Variants in PITPNC1 observed in about 807,000 individuals in gnomAD.
PITPNC1 encodes phosphatidylinositol transfer protein cytoplasmic 1.
Under a neutral mutation model 44.7 loss-of-function variants are expected in PITPNC1, and 18 were observed. That is an observed-to-expected ratio of 0.40 (90% confidence interval 0.28 to 0.60). The LOEUF (loss-of-function observed/expected upper bound fraction) is 0.60. Ranked by LOEUF, PITPNC1 falls within the 20% of genes least tolerant of loss-of-function variation. The pLI is 0.39. For synonymous variants in PITPNC1, 141 were observed against 149.6 expected, an observed-to-expected ratio of 0.94 and a Z score of 0.42; for missense variants, 290 against 418.4, an observed-to-expected ratio of 0.69 and a Z score of 2.68.
chr17:67,516,722 G>A lies in PITPNC1; in HGVS notation c.49-16080G>A, dbSNP rs375569191. ...CTGCAATCACCTCCCAGGTTCAAGC[G>A]ATTCTCCCGCCTCAGCCTCCCAAGT... On this transcript the variant is annotated intron_variant, in intron 1 of 8. Coordinates refer to ENST00000581322, the MANE Select transcript of PITPNC1 (RefSeq NM_012417.4). 4.5e-4 allele frequency among the ~76,000 whole-genome samples: 68 copies of A among 152,224 alleles called. 1 individual carries two copies. The highest frequency in any genetic ancestry group is 1.6e-3 in the African/African-American group (66 of 41,538).
At chr17:67,568,164 G>A (rs983764191) in intron 4 of PITPNC1, among the ~76,000 whole-genome samples, 6 of 152,048 alleles carry the variant, frequency 3.9e-5, no homozygotes, top group African/African-American at 1.4e-4. Context: ...ACTATCATTC[G>A]GCCAGAAAAA....
At chr17:67,677,359 T>G (rs2042621130) in intron 8 of PITPNC1, among the ~76,000 whole-genome samples, 2 of 152,176 alleles carry the variant, frequency 1.3e-5, no homozygotes, top group South Asian at 4.1e-4. Flanking sequence ...GGTTTCTCTC[T>G]GTTGCCAGAG....
intron 1 of PITPNC1, among the ~76,000 whole-genome samples, chr17:67,492,693 C>G (rs142092716): frequency 0.014 from 2,190 of 152,290 alleles, 33 homozygotes; most frequent in South Asian, 0.043. Context: ...CCCAGGACAG[C>G]TACTGTCCTG....
intron 5 of PITPNC1, among the ~76,000 whole-genome samples, chr17:67,610,078 C>T (rs1442973569): frequency 2.6e-5 from 4 of 152,188 alleles, no homozygotes; most frequent in Non-Finnish European, 4.4e-5. Flanking sequence ...TTTCCTCTGT[C>T]GTTCCGCTAT....
intron 8 of PITPNC1, chr17:67,686,982 C>A: frequency 1.3e-6 from 1 of 786,160 alleles, no homozygotes; most frequent in Admixed American, 1.9e-5. Context: ...TTGGCTACTG[C>A]TCAGCTACCA....
In PITPNC1 at chr17:67,685,584, C is replaced by G. The variant is rs1231262048; in HGVS notation, c.683-6988C>G. Among the ~76,000 whole-genome samples, 3 of 152,238 alleles carry G rather than the reference C, an allele frequency of 2.0e-5. No individual in the cohort carries two copies. The East Asian group carries it at 5.8e-4, about 29-fold the overall frequency. On this transcript the variant is annotated intron_variant, in intron 8 of 8. Coordinates refer to ENST00000581322, the MANE Select transcript of PITPNC1 (RefSeq NM_012417.4). ...AATCCCCACTAAGCCAATTAGTGGTCAGGGTGGCAGAGGAAGCACTTTGTT... is the reference window on the plus strand; with the variant it reads ...AATCCCCACTAAGCCAATTAGTGGTGAGGGTGGCAGAGGAAGCACTTTGTT...
chr17:67,385,463 A>G (rs1032982315), intron 1 of PITPNC1, among the ~76,000 whole-genome samples: 1 of 151,988 alleles, frequency 6.6e-6, no homozygotes, highest in Non-Finnish European at 1.5e-5. Flanking sequence ...AAATAAGGGA[A>G]TAATGGCTGA....
At chr17:67,496,554 C>T (rs996611161) in intron 1 of PITPNC1, among the ~76,000 whole-genome samples, 2 of 152,100 alleles carry the variant, frequency 1.3e-5, no homozygotes, top group African/African-American at 4.8e-5. Flanking sequence ...GGAATTATCA[C>T]AGTTCCACTC....
chr17:67,575,879 C>CTTTTTT (rs1209977482), intron 4 of PITPNC1, among the ~76,000 whole-genome samples: 1,277 of 15,618 alleles, frequency 0.082, 92 homozygotes, highest in Admixed American at 0.27. Flanking sequence ...TCTTTCTTTC[C>CTTTTTT]TTTTTTTTTT....
intron 5 of PITPNC1, among the ~76,000 whole-genome samples, chr17:67,627,583 T>C (rs1598904587): frequency 1.3e-5 from 2 of 152,358 alleles, no homozygotes; most frequent in Middle Eastern, 3.4e-3. Context: ...ACTTTTTAAG[T>C]AGCAGGAGAC....
intron 6 of PITPNC1, among the ~76,000 whole-genome samples, chr17:67,643,232 G>A (rs934988497): frequency 1.3e-5 from 2 of 152,044 alleles, no homozygotes; most frequent in Non-Finnish European, 2.9e-5. Flanking sequence ...CTAAAAATAC[G>A]AAAATTAGCT....
At chr17:67,425,267 GGAGA>G (rs373810450) in intron 1 of PITPNC1, among the ~76,000 whole-genome samples, 1 of 85,220 alleles carries the variant, frequency 1.2e-5, no homozygotes, top group African/African-American at 3.9e-5. Flanking sequence ...ACACACAGAG[GGAGA>G]GAGAGAGAGA....
chr17:67,512,234 C>G (rs1489642944), intron 1 of PITPNC1, among the ~76,000 whole-genome samples: 4 of 152,212 alleles, frequency 2.6e-5, no homozygotes, highest in African/African-American at 9.6e-5. Flanking sequence ...TGCAGTGGCT[C>G]ACGCCTGTAA....
At chr17:67,575,298 G>A (rs1438083260) in intron 4 of PITPNC1, among the ~76,000 whole-genome samples, 4 of 152,166 alleles carry the variant, frequency 2.6e-5, no homozygotes, top group East Asian at 1.9e-4. Flanking sequence ...TTTGAGATGA[G>A]CAGCTGCTCC....
At chr17:67,535,536 G>A (rs528294976) in intron 2 of PITPNC1, among the ~76,000 whole-genome samples, 41 of 152,246 alleles carry the variant, frequency 2.7e-4, no homozygotes, top group South Asian at 1.5e-3. Context: ...AGCTCTCCCT[G>A]TCATGTCTGT....
intron 2 of PITPNC1, among the ~76,000 whole-genome samples, chr17:67,534,849 C>G (rs960875005): frequency 1.3e-5 from 2 of 152,152 alleles, no homozygotes; most frequent in Non-Finnish European, 2.9e-5. Context: ...AGTTTATTCA[C>G]TGACACCAGT....
chr17:67,572,702 G>A (rs1238251086), intron 4 of PITPNC1, among the ~76,000 whole-genome samples: 4 of 151,306 alleles, frequency 2.6e-5, no homozygotes, highest in African/African-American at 9.7e-5. Flanking sequence ...ACTTGAGATG[G>A]TCTTTGAGTA....
chr17:67,632,421 C>A, intron 6 of PITPNC1, 183 bp downstream of exon 6: 1 of 593,920 alleles, frequency 1.7e-6, no homozygotes, highest in South Asian at 2.1e-5. Context: ...CAGGGACCAT[C>A]ATTGGCCCTG....
chr17:67,614,052 A>T, intron 5 of PITPNC1, among the ~76,000 whole-genome samples: 1 of 151,006 alleles, frequency 6.6e-6, no homozygotes, highest in Non-Finnish European at 1.5e-5. Flanking sequence ...GCGCCACTGC[A>T]CTCCAGCCTG....
Sources: gnomAD v4.1 joint callset for allele counts (sites outside exome capture counted in the v4.1 genomes callset) on GRCh38, gnomAD v4.1.1 for gene constraint, MANE v1.5 for transcripts, NCBI Gene and HGNC (gene_info 2026-07-23, HGNC 2026-07-21) for gene names.